PLA2G2D: variants seen among roughly 807,000 people sequenced by gnomAD.
The protein encoded by PLA2G2D is phospholipase A2 group IID.
In PLA2G2D, 17 loss-of-function variants were observed where a neutral mutation model predicts 13.9. The observed-to-expected ratio is 1.23, with a 90% confidence interval of 0.84 to 1.84. The LOEUF (loss-of-function observed/expected upper bound fraction) is 1.84. Among genes scored for constraint, PLA2G2D ranks in the 40% most tolerant of loss-of-function variants. The probability of loss-of-function intolerance (pLI) is 0.00; values close to 1 mark genes in which losing one functional copy is unlikely to be tolerated. For synonymous variants in PLA2G2D, 83 were observed against 69.3 expected, an observed-to-expected ratio of 1.20 and a Z score of -0.98; for missense variants, 194 against 178.7, an observed-to-expected ratio of 1.09 and a Z score of -0.49.
chr1:20,119,290 A>G (rs1407351663), intron 1 of PLA2G2D, among the ~76,000 whole-genome samples, 169 bp downstream of exon 1: 2 of 152,214 alleles, frequency 1.3e-5, no homozygotes, highest in African/African-American at 4.8e-5. Context: ...CTACCATGCT[A>G]GGAGACTGAC....
Position 20,115,495 on chromosome 1 carries a change from C to T in PLA2G2D, c.292+12G>A, listed in dbSNP as rs1483328194. The T allele has an allele frequency of 6.8e-7, 1 of 1,470,240 alleles. No homozygotes were observed. The highest frequency in any genetic ancestry group is 1.7e-5 in the Admixed American group (1 of 59,840). The allele number at this position is 1,470,240 out of a possible 1,614,324, so 91.1% of individuals were successfully genotyped here. A position where few individuals can be genotyped will look rare whatever the true frequency, so the allele number is the denominator to read the frequency against. On this transcript the variant is annotated intron_variant, in intron 3 of 3. Transcript: ENST00000375105. ...GGGTCTCCAGCTCCTGCCCTGAGGT[C>T]TGCGTACTCACAGCAGTGGATGTTC...
chr1:20,111,969 T>TTTTA lies in PLA2G2D; in HGVS notation c.*2141_*2144dup, dbSNP rs2016894210. ...TTTTATTTTATTTTATTTTATTTTA[T>TTTTA]TTTATTTTATTTTTTGAGACAGAGT... is the stretch of plus-strand genomic sequence containing the variant. On this transcript the variant is annotated 3_prime_UTR_variant, in exon 4 of 4. Transcript: ENST00000375105. 3.3e-5 allele frequency: 5 copies of TTTTA among 150,062 alleles called. 1 individual carries two copies. In the South Asian group the frequency reaches 1.1e-3, roughly 32 times the overall value. The allele number at this position is 150,062 out of a possible 1,614,324, so 9.3% of individuals were successfully genotyped here.
Position 20,112,520 on chromosome 1 carries a change from G to T in PLA2G2D, c.*1594C>A, listed in dbSNP as rs1051345428. The T allele has an allele frequency of 6.6e-6, 1 of 152,098 alleles. No individual in the cohort carries two copies. Among genetic ancestry groups the T allele is most frequent in the Non-Finnish European group, 1.5e-5 (1 of 68,034 alleles). The allele number at this position is 152,098 out of a possible 1,614,324, so 9.4% of individuals were successfully genotyped here. On this transcript the variant is annotated 3_prime_UTR_variant, in exon 4 of 4. Transcript: ENST00000375105. ...ATGGTGCCACAGGCCCAGAGTGTGG[G>T]TGACTGCAGGTGCCTCAGCCCCCTG... is the stretch of plus-strand genomic sequence containing the variant.
chr1:20,116,219 T>C (rs375772228), intron 2 of PLA2G2D, 114 bp downstream of exon 2: 1 of 1,096,824 alleles, frequency 9.1e-7, no homozygotes. Flanking sequence ...TAGCACATAG[T>C]AGATGCTCAA....
rs116344373 is a variant in PLA2G2D, at chr1:20,116,834, A to T, written c.41-357T>A. Among the ~76,000 whole-genome samples, 475 of 151,996 alleles carry T rather than the reference A, an allele frequency of 3.1e-3. 1 individual carries two copies. The highest frequency in any genetic ancestry group is 0.011 in the African/African-American group (453 of 41,484). On this transcript the variant is annotated intron_variant, in intron 1 of 3. Transcript: ENST00000375105. ...TGTATTTACAAAACATCAAAAATTA[A>T]CTGGGCGTGGTGGTGGACACCTGTC...
intron 1 of PLA2G2D, among the ~76,000 whole-genome samples, chr1:20,119,015 G>T (rs773816945): frequency 1.3e-5 from 2 of 152,168 alleles, no homozygotes; most frequent in African/African-American, 4.8e-5. Context: ...AATGGAAATT[G>T]CCCCCTCTTC....
At position 20,113,977 on chromosome 1, in the gene PLA2G2D, G is replaced by C. The variant is rs1451197350; in HGVS notation, c.*137C>G. On this transcript the variant is annotated 3_prime_UTR_variant, in exon 4 of 4. Coordinates refer to ENST00000375105, the MANE Select transcript of PLA2G2D (RefSeq NM_012400.4). The stretch of plus-strand genomic sequence containing the variant: ...TCGGAAAGCTTCAGAAGGTCAGAAG[G>C]CATTGGTAGAGGGTTCCGGGGGAGG... 4.4e-6 allele frequency: 3 copies of C among 687,038 alleles called. No individual in the cohort carries two copies. The highest frequency in any genetic ancestry group is 7.4e-6 in the Non-Finnish European group (3 of 403,028). The allele number at this position is 687,038 out of a possible 1,614,324, so 42.6% of individuals were successfully genotyped here. A position where few individuals can be genotyped will look rare whatever the true frequency, so the allele number is the denominator to read the frequency against.
intron 3 of PLA2G2D, 37 bp downstream of exon 3, chr1:20,115,470 G>A (rs767906493): frequency 8.4e-7 from 1 of 1,188,988 alleles, no homozygotes; most frequent in Non-Finnish European, 1.3e-6. Flanking sequence ...TCCCTTCCTG[G>A]GGTCTCCAGC....
intron 1 of PLA2G2D, among the ~76,000 whole-genome samples, chr1:20,118,126 A>G (rs1428260296): frequency 6.6e-6 from 1 of 152,176 alleles, no homozygotes. Flanking sequence ...AAGGAACCCA[A>G]CTGCAAACGG....
Position 20,116,886 on chromosome 1 carries a change from G to C in PLA2G2D, c.41-409C>G, listed in dbSNP as rs62541865. On this transcript the variant is annotated intron_variant, in intron 1 of 3. Transcript: ENST00000375105. ...TCCCAGCTACTTGGGAGGCTGAGGT[G>C]GGAGGTGGAGGCTGCAGTGAGCCGA... Among the ~76,000 whole-genome samples, 1,387 of 152,074 alleles carry C rather than the reference G, an allele frequency of 9.1e-3. 17 individuals carry two copies. Among genetic ancestry groups the C allele is most frequent in the African/African-American group, 0.032 (1,309 of 41,496 alleles).
rs1018507401 is a variant in PLA2G2D at position 20,113,694 on chromosome 1, A to G, written c.*420T>C. 6.2e-6 allele frequency: 1 copy of G among 162,154 alleles called. No individual in the cohort carries two copies. Among genetic ancestry groups the G allele is most frequent in the Non-Finnish European group, 1.3e-5 (1 of 74,432 alleles). 10.0% of individuals were successfully genotyped at this position (162,154 alleles called of 1,614,324 possible). Reference sequence around the variant, plus strand: ...TATCTTAGGACAGTGGAGGGCCTTGAGGTTTTAAAAGATAGAGCCACATGG... The same window carrying G: ...TATCTTAGGACAGTGGAGGGCCTTGGGGTTTTAAAAGATAGAGCCACATGG... On this transcript the variant is annotated 3_prime_UTR_variant, in exon 4 of 4. Transcript: ENST00000375105.
At chr1:20,116,982 C>A (rs1224198354) in intron 1 of PLA2G2D, among the ~76,000 whole-genome samples, 1 of 151,996 alleles carries the variant, frequency 6.6e-6, no homozygotes, top group Admixed American at 6.6e-5. Flanking sequence ...GTGACAATTA[C>A]TGAGTGCTTA....
At chr1:20,116,498 C>G (rs774774326) in intron 1 of PLA2G2D, 21 bp from the exon 2 acceptor site, 3 of 1,613,896 alleles carry the variant, frequency 1.9e-6, no homozygotes, top group Non-Finnish European at 2.5e-6. Context: ...GCCCAGCAAC[C>G]AGGAGAGAAG....
intron 3 of PLA2G2D, 55 bp downstream of exon 3, chr1:20,115,452 G>T: frequency 4.0e-6 from 4 of 1,005,174 alleles, no homozygotes; most frequent in Non-Finnish European, 6.4e-6. Flanking sequence ...GGCAGTGGGG[G>T]CCAGATCTCC....
intron 1 of PLA2G2D, among the ~76,000 whole-genome samples, chr1:20,117,648 G>A (rs7547862): frequency 6.6e-5 from 10 of 152,146 alleles, no homozygotes; most frequent in African/African-American, 2.2e-4. Flanking sequence ...GAATGGAGCT[G>A]TGCCTGTGTG....
chr1:20,114,374 C>T, intron 3 of PLA2G2D, 115 bp from the exon 4 acceptor site: 1 of 1,053,006 alleles, frequency 9.5e-7, no homozygotes, highest in East Asian at 2.6e-5. Flanking sequence ...AGGTACCGGT[C>T]CCAGCAACCT....
Position 20,113,808 on chromosome 1 carries a change from C to T in PLA2G2D, c.*306G>A. On this transcript the variant is annotated 3_prime_UTR_variant, in exon 4 of 4. Coordinates refer to ENST00000375105, the MANE Select transcript of PLA2G2D (RefSeq NM_012400.4). ...AGGGGGTGAGGAAGGACAAGGGGGC[C>T]AGCAGGTGGGGGACAGCGGCAGACC... is the stretch of plus-strand genomic sequence containing the variant. The T allele has an allele frequency of 3.1e-6, 1 of 325,216 alleles. No homozygotes were observed. Among genetic ancestry groups the T allele is most frequent in the Non-Finnish European group, 5.7e-6 (1 of 176,942 alleles). The allele number at this position is 325,216 out of a possible 1,614,324, so 20.1% of individuals were successfully genotyped here. A position where few individuals can be genotyped will look rare whatever the true frequency, so the allele number is the denominator to read the frequency against.
At position 20,115,567 on chromosome 1, in the gene PLA2G2D, C is replaced by G. The variant is rs757771423; in HGVS notation, c.232G>C (p.Gly78Arg). The change falls in exon 3 of 4, where the codon GGG (glycine) becomes CGG (arginine). Residue 78 changes from glycine to arginine, a missense_variant. Physicochemically the swap from Gly to Arg is moderately radical, Grantham distance 125. Transcript: ENST00000375105. Reference sequence around the variant, plus strand: ...TAATAGTCCTTGTAGATGCTGCACCCCTGGGTCTTCAGGTGGTCATAGCAG... The same window carrying G: ...TAATAGTCCTTGTAGATGCTGCACCGCTGGGTCTTCAGGTGGTCATAGCAG... ...DCCYDHLKTQ[G>R]CSIYKDYYRY... 5.0e-6 allele frequency: 8 copies of G among 1,613,048 alleles called. No homozygotes were observed. The African/African-American group carries it at 8.0e-5, about 16-fold the overall frequency.
intron 3 of PLA2G2D, 84 bp from the exon 4 acceptor site, chr1:20,114,343 G>T: frequency 7.1e-7 from 1 of 1,414,816 alleles, no homozygotes; most frequent in Non-Finnish European, 9.7e-7. Context: ...TGAAGTCAGT[G>T]CAGTTCCTAC....
Sources: gnomAD v4.1 joint callset for allele counts (sites outside exome capture counted in the v4.1 genomes callset) on GRCh38, gnomAD v4.1.1 for gene constraint, MANE v1.5 for transcripts, NCBI Gene and HGNC (gene_info 2026-07-23, HGNC 2026-07-21) for gene names.